The following MIPOL1 variants were observed in gnomAD, a reference collection of about 807,000 sequenced individuals.
The protein encoded by MIPOL1 is mirror-image polydactyly 1.
MIPOL1 carries 57 observed loss-of-function variants against 60.9 expected under a neutral mutation model. That is an observed-to-expected ratio of 0.94 (90% CI 0.76 to 1.17). The LOEUF (loss-of-function observed/expected upper bound fraction) is 1.17, where lower values mean the gene tolerates loss of function less well. MIPOL1 is among the 50% of genes most tolerant of loss of function. The probability of loss-of-function intolerance (pLI) is 0.00; values close to 1 mark genes in which losing one functional copy is unlikely to be tolerated. For synonymous variants in MIPOL1, 179 were observed against 168.8 expected, an observed-to-expected ratio of 1.06 and a Z score of -0.47; for missense variants, 551 against 511.6, an observed-to-expected ratio of 1.08 and a Z score of -0.74.
Position 37,378,380 on chromosome 14 carries a change from G to C in MIPOL1, c.936+8756G>C, listed in dbSNP as rs377527520. 3.6e-4 allele frequency among the ~76,000 whole-genome samples: 55 copies of C among 151,974 alleles called. No individual in the cohort carries two copies. The East Asian group carries it at 7.9e-3, about 22-fold the overall frequency. ...TATTGATACACCCATGACTCAGATG[G>C]GTCTCAAGGGCATGATGCAAAAGCC... is the stretch of plus-strand genomic sequence containing the variant. On this transcript the variant is annotated intron_variant, in intron 10 of 12. Coordinates refer to ENST00000684589, the MANE Select transcript of MIPOL1 (RefSeq NM_001388067.1).
At chr14:37,379,155 C>G (rs1038637959) in intron 10 of MIPOL1, among the ~76,000 whole-genome samples, 1 of 151,954 alleles carries the variant, frequency 6.6e-6, no homozygotes, top group Non-Finnish European at 1.5e-5. Flanking sequence ...AGAACTCAAC[C>G]TCATACTTAT....
chr14:37,521,885 G>A (rs796402802), intron 12 of MIPOL1, among the ~76,000 whole-genome samples: 56 of 130,322 alleles, frequency 4.3e-4, no homozygotes, highest in Non-Finnish European at 4.8e-4. Context: ...TTTATCTAAA[G>A]AAAAAAAAAT....
At chr14:37,389,018 T>A (rs1487142056) in intron 10 of MIPOL1, among the ~76,000 whole-genome samples, 1 of 151,988 alleles carries the variant, frequency 6.6e-6, no homozygotes, top group Non-Finnish European at 1.5e-5. Flanking sequence ...TAGAATTGGG[T>A]CTTTTAAACT....
At chr14:37,255,584 T>C (rs893377007) in intron 3 of MIPOL1, among the ~76,000 whole-genome samples, 4 of 151,806 alleles carry the variant, frequency 2.6e-5, no homozygotes, top group African/African-American at 7.2e-5. Context: ...CAACCTGTCA[T>C]GTAGGACGTT....
chr14:37,240,424 C>T (rs759726278), intron 1 of MIPOL1: 1 of 152,156 alleles, frequency 6.6e-6, no homozygotes, highest in Admixed American at 6.5e-5. Context: ...TACTCTAATA[C>T]ATTTTCAGCT....
At chr14:37,390,063 C>CA (rs1214502115) in intron 10 of MIPOL1, among the ~76,000 whole-genome samples, 2 of 151,374 alleles carry the variant, frequency 1.3e-5, no homozygotes, top group African/African-American at 2.4e-5. Context: ...TGTATATATA[C>CA]AAAAAATTAG....
intron 1 of MIPOL1, among the ~76,000 whole-genome samples, chr14:37,207,710 T>A (rs552428592): frequency 4.0e-5 from 6 of 150,994 alleles, no homozygotes; most frequent in Admixed American, 2.0e-4. Flanking sequence ...CATGCCTGGC[T>A]AATTTTTGTA....
downstream of MIPOL1, chr14:37,551,329 T>C (rs1428056992): frequency 2.0e-5 from 3 of 152,062 alleles, no homozygotes; most frequent in East Asian, 3.9e-4. Flanking sequence ...CTGAAGACAG[T>C]GTACTAGATA....
At chr14:37,404,078 T>A (rs1206499609) in intron 10 of MIPOL1, among the ~76,000 whole-genome samples, 1 of 152,212 alleles carries the variant, frequency 6.6e-6, no homozygotes, top group African/African-American at 2.4e-5. Context: ...AACATGTAAT[T>A]AATGGTATTT....
chr14:37,428,805 G>A (rs1296120957), intron 11 of MIPOL1, among the ~76,000 whole-genome samples: 1 of 151,842 alleles, frequency 6.6e-6, no homozygotes, highest in African/African-American at 2.4e-5. Context: ...TTGAGTTTTA[G>A]AATATTTTGA....
At chr14:37,484,082 A>G (rs993312663) in intron 11 of MIPOL1, among the ~76,000 whole-genome samples, 5 of 152,236 alleles carry the variant, frequency 3.3e-5, no homozygotes, top group Non-Finnish European at 7.3e-5. Flanking sequence ...CCAATGCAAT[A>G]CTAGTCAACC....
chr14:37,448,491 T>C (rs2153572591), intron 11 of MIPOL1, among the ~76,000 whole-genome samples: 1 of 152,366 alleles, frequency 6.6e-6, no homozygotes, highest in Admixed American at 6.5e-5. Flanking sequence ...AAAATTCTTT[T>C]TGCTTGCCAA....
intron 9 of MIPOL1, among the ~76,000 whole-genome samples, chr14:37,319,334 C>T (rs753461566): frequency 9.2e-5 from 14 of 152,018 alleles, no homozygotes; most frequent in Non-Finnish European, 1.9e-4. Flanking sequence ...TTCTAAATAG[C>T]CTTCTTAGAA....
intron 11 of MIPOL1, among the ~76,000 whole-genome samples, chr14:37,451,975 C>A (rs1265028977): frequency 6.6e-6 from 1 of 150,678 alleles, no homozygotes; most frequent in African/African-American, 2.5e-5. Context: ...CCATCACGCC[C>A]GGCTAATTTT....
At chr14:37,415,388 C>T (rs1012099091) in intron 10 of MIPOL1, among the ~76,000 whole-genome samples, 1 of 151,714 alleles carries the variant, frequency 6.6e-6, no homozygotes, top group Non-Finnish European at 1.5e-5. Context: ...TTTGGGAGGC[C>T]GAGGCAGGCG....
chr14:37,446,817 T>C (rs9796414), intron 11 of MIPOL1, among the ~76,000 whole-genome samples: 150,881 of 151,920 alleles, frequency 0.99, 74,933 homozygotes, highest in Middle Eastern at 1. Flanking sequence ...AGCAAACTAT[T>C]GCAAGGACAA....
At chr14:37,496,944 C>G (rs2095140198) in intron 11 of MIPOL1, among the ~76,000 whole-genome samples, 1 of 151,632 alleles carries the variant, frequency 6.6e-6, no homozygotes, top group African/African-American at 2.4e-5. Flanking sequence ...GTACTGGTAC[C>G]AAAACAGAGA....
intron 1 of MIPOL1, among the ~76,000 whole-genome samples, chr14:37,214,947 T>TG (rs1206155166): frequency 6.6e-6 from 1 of 151,898 alleles, no homozygotes; most frequent in African/African-American, 2.4e-5. Flanking sequence ...CTGACATCAG[T>TG]CAGGCCCACC....
chr14:37,318,309 A>G (rs778620845), intron 9 of MIPOL1, among the ~76,000 whole-genome samples: 5 of 152,226 alleles, frequency 3.3e-5, no homozygotes, highest in African/African-American at 4.8e-5. Context: ...ATACAAAATA[A>G]TGATGTTTAA....
Sources: allele counts gnomAD v4.1 joint callset (sites outside exome capture counted in the v4.1 genomes callset), GRCh38; gene constraint gnomAD v4.1.1; transcripts MANE v1.5; gene names NCBI Gene and HGNC (gene_info 2026-07-23, HGNC 2026-07-21).